Variants in PTPRN2 observed in about 807,000 individuals in gnomAD.
PTPRN2 encodes the protein receptor-type tyrosine-protein phosphatase N2.
In PTPRN2, 74 loss-of-function variants were observed where a neutral mutation model predicts 118.8. The observed-to-expected ratio is 0.62, with a 90% CI of 0.52 to 0.76. The LOEUF is 0.76. PTPRN2 is among the 30% of genes least tolerant of loss of function. PTPRN2 has a pLI of 0.00. For synonymous variants in PTPRN2, 641 were observed against 608.0 expected, an observed-to-expected ratio of 1.05 and a Z score of -0.80; for missense variants, 1,481 against 1,394.4, an observed-to-expected ratio of 1.06 and a Z score of -0.99.
intron 3 of PTPRN2, among the ~76,000 whole-genome samples, chr7:158,270,587 A>T (rs1798246915): frequency 6.6e-6 from 1 of 152,052 alleles, no homozygotes; most frequent in Admixed American, 6.5e-5. Context: ...ACCCCAGGGG[A>T]AACTGAGTCC....
chr7:158,071,466 G>A (rs1245307247), intron 11 of PTPRN2, among the ~76,000 whole-genome samples: 16 of 122,876 alleles, frequency 1.3e-4, no homozygotes, highest in South Asian at 2.7e-4. Context: ...TGAGGTGCTC[G>A]TGGTGGTGGA....
At chr7:158,377,797 C>T (rs561689395) in intron 2 of PTPRN2, among the ~76,000 whole-genome samples, 2 of 152,186 alleles carry the variant, frequency 1.3e-5, no homozygotes, top group Non-Finnish European at 1.5e-5. Flanking sequence ...TACCAAGGGA[C>T]GGGCTGCTGG....
intron 1 of PTPRN2, chr7:158,539,925 C>A: frequency 8.8e-6 from 2 of 227,720 alleles, no homozygotes; most frequent in South Asian, 4.4e-5. Context: ...ATACTGTGAG[C>A]CTGGACCTGG....
At position 157,659,017 on chromosome 7, in the gene PTPRN2, G is replaced by T. The variant is rs927382486; in HGVS notation, c.2002-2466C>A. ...CCTTCTCCCTTCACCCCGGGGTGCC[G>T]GCTTCCTTGTGTCCATTCTCCCTTC... is the stretch of plus-strand genomic sequence containing the variant. On this transcript the variant is annotated intron_variant, in intron 13 of 22. Transcript: ENST00000389418. Among the ~76,000 whole-genome samples the T allele has an allele frequency of 5.9e-5, 9 of 151,650 alleles. No homozygotes were observed. In the East Asian group the frequency reaches 1.6e-3, roughly 27 times the overall value.
At chr7:158,180,279 G>T (rs1563567075) in intron 5 of PTPRN2, among the ~76,000 whole-genome samples, 1 of 152,170 alleles carries the variant, frequency 6.6e-6, no homozygotes, top group Admixed American at 6.5e-5. Context: ...AAGATCAGTT[G>T]GTTGTAAGTG....
At chr7:157,692,288 A>AC (rs1320321402) in intron 12 of PTPRN2, among the ~76,000 whole-genome samples, 2 of 148,542 alleles carry the variant, frequency 1.3e-5, no homozygotes, top group African/African-American at 5.0e-5. Context: ...ACTCCTCCAC[A>AC]CCCCCCACCT....
chr7:158,094,234 C>T (rs60719921), intron 10 of PTPRN2, among the ~76,000 whole-genome samples: 10,800 of 152,226 alleles, frequency 0.071, 480 homozygotes, highest in East Asian at 0.17. Context: ...AGGGGTGGGC[C>T]GGATCTCACC....
chr7:158,333,922 C>T (rs1586323968), intron 2 of PTPRN2, among the ~76,000 whole-genome samples: 2 of 137,762 alleles, frequency 1.5e-5, no homozygotes, highest in African/African-American at 5.5e-5. Flanking sequence ...CTCACACCCA[C>T]ACTCTCACCA....
At chr7:158,023,238 G>A (rs1010081675) in intron 11 of PTPRN2, among the ~76,000 whole-genome samples, 1 of 152,036 alleles carries the variant, frequency 6.6e-6, no homozygotes, top group African/African-American at 2.4e-5. Flanking sequence ...CTCGCTAAAG[G>A]AGGAGCTCAC....
chr7:158,074,717 C>G (rs1037776417), intron 11 of PTPRN2, among the ~76,000 whole-genome samples: 2 of 152,256 alleles, frequency 1.3e-5, no homozygotes, highest in East Asian at 3.9e-4. Flanking sequence ...TGAAATGGAA[C>G]CTGCTCTCCC....
intron 1 of PTPRN2, among the ~76,000 whole-genome samples, chr7:158,518,820 AT>A (rs1322272694): frequency 6.6e-6 from 1 of 152,142 alleles, no homozygotes; most frequent in Admixed American, 6.5e-5. Flanking sequence ...CCCCGTCTCT[AT>A]AAAAAGTACA....
intron 3 of PTPRN2, among the ~76,000 whole-genome samples, chr7:158,208,908 T>C (rs1472476670): frequency 2.6e-5 from 4 of 151,924 alleles, no homozygotes; most frequent in Non-Finnish European, 5.9e-5. Context: ...GAAGCTAAAG[T>C]GTAGAGTTTT....
chr7:158,337,787 ACT>A (rs1805979063), intron 2 of PTPRN2, among the ~76,000 whole-genome samples: 2 of 57,856 alleles, frequency 3.5e-5, no homozygotes, highest in African/African-American at 1.4e-4. Context: ...TCACACCCAC[ACT>A]CTCACCATAA....
Position 157,601,258 on chromosome 7 carries a change from G to C in PTPRN2, c.2418+2744C>G, listed in dbSNP as rs541247805. On this transcript the variant is annotated intron_variant, in intron 16 of 22. Coordinates refer to ENST00000389418, the MANE Select transcript of PTPRN2 (RefSeq NM_002847.5). ...GGATGCCTTCCCTGAAATGTAATGA[G>C]GACTAAGTACAAATATGACAGATGT... Among the ~76,000 whole-genome samples, 3 of 152,266 alleles carry C rather than the reference G, an allele frequency of 2.0e-5. No homozygotes were observed. In the East Asian group the frequency reaches 5.8e-4, roughly 29 times the overall value.
At chr7:157,724,199 G>A (rs10282399) in intron 12 of PTPRN2, among the ~76,000 whole-genome samples, 86,912 of 151,880 alleles carry the variant, frequency 0.57, 25,890 homozygotes, top group African/African-American at 0.63. Flanking sequence ...GGCTTCCCCC[G>A]TCTGAATTGC....
At chr7:157,958,874 A>AT (rs1274906858) in intron 11 of PTPRN2, among the ~76,000 whole-genome samples, 1 of 152,202 alleles carries the variant, frequency 6.6e-6, no homozygotes, top group Non-Finnish European at 1.5e-5. Flanking sequence ...AAATATTGAT[A>AT]TTTTTTCAGA....
chr7:158,340,390 AT>A (rs1306180552), intron 2 of PTPRN2, among the ~76,000 whole-genome samples: 1 of 77,222 alleles, frequency 1.3e-5, no homozygotes, highest in African/African-American at 4.6e-5. Flanking sequence ...TACTCTCACC[AT>A]AAGAGCTGAC....
intron 13 of PTPRN2, among the ~76,000 whole-genome samples, chr7:157,681,889 T>C (rs1289912535): frequency 1.3e-5 from 2 of 152,258 alleles, no homozygotes; most frequent in African/African-American, 4.8e-5. Context: ...ATCTTACACA[T>C]GTACTGACCA....
intron 10 of PTPRN2, among the ~76,000 whole-genome samples, chr7:158,098,266 G>C (rs924621999): frequency 4.6e-5 from 7 of 152,340 alleles, no homozygotes; most frequent in African/African-American, 1.7e-4. Flanking sequence ...CGCAATGTGG[G>C]CAGGGGACCC....
Sources: allele counts gnomAD v4.1 joint callset (sites outside exome capture counted in the v4.1 genomes callset), GRCh38; gene constraint gnomAD v4.1.1; transcripts MANE v1.5; gene names NCBI Gene and HGNC (gene_info 2026-07-23, HGNC 2026-07-21).